The following TTYH2 variants were observed in gnomAD, a reference collection of about 807,000 sequenced individuals.
TTYH2 encodes protein tweety homolog 2.
A neutral mutation model predicts 68.3 loss-of-function variants in TTYH2; 49 were observed. The ratio of observed to expected loss-of-function variants is 0.72; its 90% CI spans 0.57 to 0.91. The LOEUF is 0.91. TTYH2 is among the 40% of genes least tolerant of loss of function. The pLI is 0.00. For synonymous variants in TTYH2, 272 were observed against 300.8 expected, an observed-to-expected ratio of 0.90 and a Z score of 0.99; for missense variants, 631 against 700.4, an observed-to-expected ratio of 0.90 and a Z score of 1.12.
chr17:74,250,202 T>C, intron 9 of TTYH2, 63 bp from the exon 10 acceptor site: 1 of 1,526,550 alleles, frequency 6.6e-7, no homozygotes, highest in South Asian at 1.2e-5. Context: ...GCTGCTGTGG[T>C]GGTTTTCTCC....
chr17:74,224,578 A>C (rs566612827), intron 2 of TTYH2, among the ~76,000 whole-genome samples: 1 of 152,110 alleles, frequency 6.6e-6, no homozygotes, highest in African/African-American at 2.4e-5. Context: ...TCCATCCCAC[A>C]ACATTCTGGG....
At position 74,222,579 on chromosome 17, in the gene TTYH2, G is replaced by T. The variant is rs764438409; in HGVS notation, c.224G>T (p.Arg75Leu). 6.2e-7 allele frequency: 1 copy of T among 1,612,404 alleles called. No individual in the cohort carries two copies. The highest frequency in any genetic ancestry group is 8.5e-7 in the Non-Finnish European group (1 of 1,180,008). The change falls in exon 2 of 14, where the codon CGG (arginine) becomes CTG (leucine). Residue 75 changes from arginine to leucine, a missense_variant. Physicochemically the swap from Arg to Leu is moderately radical, Grantham distance 102. Transcript: ENST00000269346. This position sits in a 1 kb window ranked among gnomAD's most constrained non-coding sequence, Gnocchi z 5.2. ...AYLVCACHCR[R>L]DDAVQTKQHH... ...CTGGTCTGTGCATGCCACTGCCGGC[G>T]GGACGATGCGGTGCAGACCAAGCAG...
chr17:74,248,719 C>T, intron 6 of TTYH2: 2 of 1,332,924 alleles, frequency 1.5e-6, no homozygotes, highest in Non-Finnish European at 9.6e-7. Context: ...ACAGCATGCG[C>T]TCTGCCCCAG....
chr17:74,219,180 G>A (rs1338160382), intron 1 of TTYH2, among the ~76,000 whole-genome samples: 1 of 149,540 alleles, frequency 6.7e-6, no homozygotes, highest in African/African-American at 2.5e-5. Flanking sequence ...TCACGCTGCT[G>A]CACTCCAGCC....
chr17:74,241,109 G>C lies in TTYH2; in HGVS notation c.636-2265G>C, dbSNP rs759947221. On this transcript the variant is annotated intron_variant, in intron 4 of 13. Transcript: ENST00000269346. This position sits in a 1 kb window ranked among gnomAD's most constrained non-coding sequence, Gnocchi z 4.1. ...TCTGGGCCAGGCTCTCCCCACCAGG[G>C]GCCTTGGCTTTCTAATCTGTACTAA... The C allele has an allele frequency of 1.3e-5, 2 of 152,112 alleles. No homozygotes were observed. The highest frequency in any genetic ancestry group is 4.8e-5 in the African/African-American group (2 of 41,374). 9.4% of individuals were successfully genotyped at this position (152,112 alleles called of 1,614,324 possible). A position where few individuals can be genotyped will look rare whatever the true frequency, so the allele number is the denominator to read the frequency against.
rs1040021361 is a variant in TTYH2 at position 74,249,088 on chromosome 17, C to T, written c.874+8C>T. On this transcript the variant is annotated splice_region_variant and intron_variant, in intron 7 of 13. Coordinates refer to ENST00000269346, the MANE Select transcript of TTYH2 (RefSeq NM_032646.6). Reference sequence around the variant, plus strand: ...AGGGCCAGATCAGCACAGGTAACTACACACTCTCAGGCTGCTGCTGTGGAT... The same window carrying T: ...AGGGCCAGATCAGCACAGGTAACTATACACTCTCAGGCTGCTGCTGTGGAT... 1 of 1,614,168 alleles carries T rather than the reference C, an allele frequency of 6.2e-7. No homozygotes were observed. Among genetic ancestry groups the T allele is most frequent in the East Asian group, 2.2e-5 (1 of 44,886 alleles).
Position 74,222,583 on chromosome 17 carries a change from C to T in TTYH2, c.228C>T (p.Asp76=), listed in dbSNP as rs762280098. ...YLVCACHCRR[D]DAVQTKQHHS... The stretch of plus-strand genomic sequence containing the variant: ...TCTGTGCATGCCACTGCCGGCGGGA[C>T]GATGCGGTGCAGACCAAGCAGCACC... The change falls in exon 2 of 14, where the codon GAC becomes GAT. Residue 76 remains aspartate (D), a synonymous_variant. Transcript: ENST00000269346. The surrounding 1 kb of genome is among the most constrained non-coding windows in gnomAD (Gnocchi z 5.2). 8.6e-5 allele frequency: 139 copies of T among 1,612,408 alleles called. 1 individual carries two copies. The highest frequency in any genetic ancestry group is 3.7e-4 in the South Asian group (34 of 91,084).
At position 74,261,430 on chromosome 17, in the gene TTYH2, T is replaced by C. The variant is rs935524265; in HGVS notation, c.*1221T>C. On this transcript the variant is annotated 3_prime_UTR_variant, in exon 14 of 14. Transcript: ENST00000269346. ...GCAAAGTGCTACAACTGTGTCTTTATAGGAGGATAGGCCTCTGCCCTGCCC... is the reference window on the plus strand; with the variant it reads ...GCAAAGTGCTACAACTGTGTCTTTACAGGAGGATAGGCCTCTGCCCTGCCC... 1.3e-5 allele frequency: 2 copies of C among 152,440 alleles called. No individual in the cohort carries two copies. The highest frequency in any genetic ancestry group is 1.5e-5 in the Non-Finnish European group (1 of 68,096). The allele number at this position is 152,440 out of a possible 1,614,324, so 9.4% of individuals were successfully genotyped here. A position where few individuals can be genotyped will look rare whatever the true frequency, so the allele number is the denominator to read the frequency against.
intron 9 of TTYH2, 115 bp downstream of exon 9, chr17:74,250,143 G>A (rs1018257522): frequency 6.8e-5 from 99 of 1,465,120 alleles, no homozygotes; most frequent in Middle Eastern, 1.8e-4. Context: ...CTGTTCTCCC[G>A]CCCCCGTGAC....
Position 74,253,213 on chromosome 17 carries a change from C to T in TTYH2, c.1392C>T (p.Thr464=). The change falls in exon 12 of 14, where the codon ACC becomes ACT. Residue 464 remains threonine (T), a synonymous_variant. Transcript: ENST00000269346. The part of the protein sequence containing the change: ...CSYSSGLGSQ[T]SLQPPAQTIS... ...ACAGCAGTGGCCTGGGAAGTCAGACCAGCCTGCAGCCCCCGGCCCAGACCA... is the reference window on the plus strand; with the variant it reads ...ACAGCAGTGGCCTGGGAAGTCAGACTAGCCTGCAGCCCCCGGCCCAGACCA... The T allele has an allele frequency of 1.9e-6, 3 of 1,613,256 alleles. No homozygotes were observed. The highest frequency in any genetic ancestry group is 2.5e-6 in the Non-Finnish European group (3 of 1,179,686).
rs752196471 is a variant in TTYH2 at position 74,250,034 on chromosome 17, G to A, written c.1023+6G>A. 1 of 1,613,878 alleles carries A rather than the reference G, an allele frequency of 6.2e-7. No homozygotes were observed. The highest frequency in any genetic ancestry group is 8.5e-7 in the Non-Finnish European group (1 of 1,179,826). ...CCCTCTTCTCCACTGCAGAGGTAAG[G>A]CAGCTGTGCAGGAAGAGGGGAGCCC... On this transcript the variant is annotated splice_donor_region_variant and intron_variant, in intron 9 of 13. Coordinates refer to ENST00000269346, the MANE Select transcript of TTYH2 (RefSeq NM_032646.6).
Position 74,261,935 on chromosome 17 carries a change from G to C in TTYH2, c.*1726G>C, listed in dbSNP as rs560776236. 5.2e-5 allele frequency: 8 copies of C among 152,714 alleles called. No individual in the cohort carries two copies. The South Asian group carries it at 1.7e-3, about 32-fold the overall frequency. The allele number at this position is 152,714 out of a possible 1,614,324, so 9.5% of individuals were successfully genotyped here. A position where few individuals can be genotyped will look rare whatever the true frequency, so the allele number is the denominator to read the frequency against. On this transcript the variant is annotated 3_prime_UTR_variant, in exon 14 of 14. Coordinates refer to ENST00000269346, the MANE Select transcript of TTYH2 (RefSeq NM_032646.6). ...ATGGAAACTAAACAGATTCCTCGGG[G>C]AGTTCCTGAAGGAACCAGGTGGGCA... is the stretch of plus-strand genomic sequence containing the variant.
Position 74,222,769 on chromosome 17 carries a change from C to T in TTYH2, c.302+112C>T. 1 of 1,283,962 alleles carries T rather than the reference C, an allele frequency of 7.8e-7. No individual in the cohort carries two copies. The highest frequency in any genetic ancestry group is 1.5e-5 in the African/African-American group (1 of 65,838). 79.5% of individuals were successfully genotyped at this position (1,283,962 alleles called of 1,614,324 possible). ...CAGCTACCTTGATGGAAAAGCTTGT[C>T]CCCAGATGAATGTTGTCCCTTTTTT... On this transcript the variant is annotated intron_variant, in intron 2 of 13. Transcript: ENST00000269346. The surrounding 1 kb of genome is among the most constrained non-coding windows in gnomAD (Gnocchi z 5.2).
At chr17:74,223,294 G>C (rs2050297151) in intron 2 of TTYH2, among the ~76,000 whole-genome samples, 1 of 135,034 alleles carries the variant, frequency 7.4e-6, no homozygotes, top group Non-Finnish European at 1.5e-5. Context: ...TTGGGGGGCG[G>C]GGGGTGGGCG....
intron 2 of TTYH2, among the ~76,000 whole-genome samples, chr17:74,228,365 G>A (rs530859532): frequency 1.6e-4 from 25 of 152,252 alleles, no homozygotes; most frequent in African/African-American, 5.5e-4. Flanking sequence ...ATATAAGTGT[G>A]GACGTGTACA....
chr17:74,237,190 T>C, intron 3 of TTYH2, 104 bp from the exon 4 acceptor site: 1 of 1,133,736 alleles, frequency 8.8e-7, no homozygotes, highest in African/African-American at 1.5e-5. Context: ...ATGAGCGTAA[T>C]TATCGCACCT....
chr17:74,233,036 G>C (rs2050406028), intron 3 of TTYH2, among the ~76,000 whole-genome samples: 1 of 152,194 alleles, frequency 6.6e-6, no homozygotes, highest in African/African-American at 2.4e-5. Flanking sequence ...TTCCCAAAGA[G>C]AAGGGTTCTG....
intron 13 of TTYH2, chr17:74,256,877 G>A (rs1567823086): frequency 6.6e-6 from 1 of 152,318 alleles, no homozygotes; most frequent in Non-Finnish European, 1.5e-5. Context: ...TCTAACTCCT[G>A]GCCTCAAGTG....
At chr17:74,250,571 G>A (rs1181972296) in intron 10 of TTYH2, 8 of 537,848 alleles carry the variant, frequency 1.5e-5, no homozygotes, top group Non-Finnish European at 2.7e-5. Flanking sequence ...CAGGGGTTCG[G>A]GATGGGAGGG....
Sources: gnomAD v4.1 joint callset for allele counts (sites outside exome capture counted in the v4.1 genomes callset) on GRCh38, gnomAD v4.1.1 for gene constraint, Gnocchi (gnomAD v3.1) non-coding constraint, MANE v1.5 for transcripts, NCBI Gene and HGNC (gene_info 2026-07-23, HGNC 2026-07-21) for gene names.